BAIAP2L1: variants seen among roughly 807,000 people sequenced by gnomAD.
BAIAP2L1 encodes BAR/IMD domain-containing adapter protein 2-like 1.
BAIAP2L1 carries 35 observed loss-of-function variants against 66.3 expected under a neutral mutation model. That is an observed-to-expected ratio of 0.53 (90% CI 0.40 to 0.70). The LOEUF is 0.70. Among genes scored for constraint, BAIAP2L1 ranks in the 30% least tolerant of loss-of-function variants. The pLI, the probability that BAIAP2L1 is intolerant of heterozygous loss-of-function variation, is 0.00. For missense variants in BAIAP2L1, 622 were observed against 656.9 expected, an observed-to-expected ratio of 0.95 and a Z score of 0.58; for synonymous variants, 269 against 248.7, an observed-to-expected ratio of 1.08 and a Z score of -0.77.
rs773501945 is a variant in BAIAP2L1, at chr7:98,320,217, T to C, written c.276+20A>G. 6.9e-6 allele frequency: 11 copies of C among 1,599,440 alleles called. No homozygotes were observed. The highest frequency in any genetic ancestry group is 1.7e-4 in the Middle Eastern group (1 of 6,024). On this transcript the variant is annotated intron_variant, in intron 4 of 13. Coordinates refer to ENST00000005260, the MANE Select transcript of BAIAP2L1 (RefSeq NM_018842.5). ...ACCTGAAATGAGTGTATTTTGTAAA[T>C]AGAAACACAGATCACGTACATTTTC...
At position 98,293,195 on chromosome 7, in the gene BAIAP2L1, C is replaced by A. The variant is rs911430405; in HGVS notation, c.*326G>T. The A allele has an allele frequency of 3.4e-6, 1 of 298,258 alleles. No homozygotes were observed. Among genetic ancestry groups the A allele is most frequent in the East Asian group, 6.5e-5 (1 of 15,476 alleles). The allele number at this position is 298,258 out of a possible 1,614,324, so 18.5% of individuals were successfully genotyped here. On this transcript the variant is annotated 3_prime_UTR_variant, in exon 14 of 14. Transcript: ENST00000005260. ...AGCCAGTCCTGAAAGCATAGACTAT[C>A]CCTTATTCTGGCTGTTATTAAGGAA...
Position 98,362,341 on chromosome 7 carries a change from A to C in BAIAP2L1, c.127+16T>G, listed in dbSNP as rs764161896. On this transcript the variant is annotated intron_variant, in intron 2 of 13. Transcript: ENST00000005260. The stretch of plus-strand genomic sequence containing the variant: ...GAGTGGCTTTATATATAATCAATTC[A>C]GAAAAACAGACTTACCGTTTACAGC... The C allele has an allele frequency of 6.3e-7, 1 of 1,579,086 alleles. No homozygotes were observed. Among genetic ancestry groups the C allele is most frequent in the African/African-American group, 1.4e-5 (1 of 73,808 alleles).
chr7:98,389,898 G>C (rs1476707241), intron 1 of BAIAP2L1, among the ~76,000 whole-genome samples: 1 of 151,510 alleles, frequency 6.6e-6, no homozygotes, highest in South Asian at 2.1e-4. Flanking sequence ...CCTGTTGCAC[G>C]TGTAGTCTTG....
Position 98,343,720 on chromosome 7 carries a change from A to G in BAIAP2L1, c.214+11322T>C, listed in dbSNP as rs149364723. The stretch of plus-strand genomic sequence containing the variant: ...ATCCCTCACAAGATTATCCCAATTG[A>G]AGCAAGCAACTGTATGACACAAGAG... On this transcript the variant is annotated intron_variant, in intron 3 of 13. Coordinates refer to ENST00000005260, the MANE Select transcript of BAIAP2L1 (RefSeq NM_018842.5). Among the ~76,000 whole-genome samples, 660 of 152,318 alleles carry G rather than the reference A, an allele frequency of 4.3e-3. 4 individuals are homozygous for G. The highest frequency in any genetic ancestry group is 0.015 in the African/African-American group (638 of 41,584).
At chr7:98,347,462 T>C (rs1336923852) in intron 3 of BAIAP2L1, among the ~76,000 whole-genome samples, 1 of 152,008 alleles carries the variant, frequency 6.6e-6, no homozygotes, top group Non-Finnish European at 1.5e-5. Context: ...TTAAAATTAG[T>C]GAGTTAAATG....
intron 1 of BAIAP2L1, among the ~76,000 whole-genome samples, chr7:98,374,493 T>C (rs1429650108): frequency 6.6e-6 from 1 of 152,182 alleles, no homozygotes; most frequent in Non-Finnish European, 1.5e-5. Context: ...CCAGGCAGTT[T>C]CCCTACTGTC....
chr7:98,377,474 T>A (rs1225538115), intron 1 of BAIAP2L1, among the ~76,000 whole-genome samples: 1 of 152,204 alleles, frequency 6.6e-6, no homozygotes, highest in Non-Finnish European at 1.5e-5. Context: ...CACTTGGTAC[T>A]GTCATACTTT....
intron 3 of BAIAP2L1, among the ~76,000 whole-genome samples, chr7:98,348,118 C>T (rs1459751303): frequency 6.6e-6 from 1 of 151,428 alleles, no homozygotes; most frequent in African/African-American, 2.4e-5. Context: ...CACATGTATC[C>T]CAGAACTTAA....
chr7:98,365,048 T>C (rs1390182071), intron 1 of BAIAP2L1, among the ~76,000 whole-genome samples: 2 of 142,538 alleles, frequency 1.4e-5, no homozygotes, highest in African/African-American at 2.5e-5. Flanking sequence ...CTTTAGCATC[T>C]GGGTCTGCTG....
intron 1 of BAIAP2L1, among the ~76,000 whole-genome samples, chr7:98,363,679 T>C (rs1802323694): frequency 6.6e-6 from 1 of 152,160 alleles, no homozygotes; most frequent in South Asian, 2.1e-4. Flanking sequence ...TTGTTCCATC[T>C]AGGAACAATA....
At chr7:98,360,790 GCACTTGCAGAAGT>G (rs1217141690) in intron 2 of BAIAP2L1, among the ~76,000 whole-genome samples, 1 of 152,172 alleles carries the variant, frequency 6.6e-6, no homozygotes, top group Non-Finnish European at 1.5e-5. Context: ...GAGGACAGGG[GCACTTGCAGAAGT>G]CACGGGGACC....
At chr7:98,349,227 C>T (rs754285092) in intron 3 of BAIAP2L1, among the ~76,000 whole-genome samples, 3 of 152,214 alleles carry the variant, frequency 2.0e-5, no homozygotes, top group Non-Finnish European at 2.9e-5. Context: ...AAACACTGCA[C>T]TCTGCAACCC....
chr7:98,295,886 G>A (rs892931273), intron 12 of BAIAP2L1, among the ~76,000 whole-genome samples: 3 of 152,182 alleles, frequency 2.0e-5, no homozygotes, highest in African/African-American at 7.2e-5. Context: ...GACTGAGGAG[G>A]AAAAAGAACG....
At chr7:98,400,657 G>A in intron 1 of BAIAP2L1, 145 bp downstream of exon 1, 1 of 906,394 alleles carries the variant, frequency 1.1e-6, no homozygotes, top group Non-Finnish European at 1.8e-6. Context: ...GGAGGGCCAG[G>A]GGAGGAGTGG....
intron 1 of BAIAP2L1, among the ~76,000 whole-genome samples, chr7:98,391,137 C>T (rs1224830894): frequency 4.6e-5 from 7 of 151,746 alleles, no homozygotes; most frequent in African/African-American, 1.2e-4. Context: ...CCACTGTGCC[C>T]GGCCCATAAA....
rs1220443986 is a variant in BAIAP2L1, at chr7:98,326,026, G to A, written c.215-5728C>T. Among the ~76,000 whole-genome samples the A allele has an allele frequency of 3.3e-5, 5 of 152,244 alleles. No individual in the cohort carries two copies. In the East Asian group the frequency reaches 5.8e-4, roughly 18 times the overall value. On this transcript the variant is annotated intron_variant, in intron 3 of 13. Transcript: ENST00000005260. ...CAGCGGGGTGCAATGGCTCACGTCCGTAATCACAGCTCCCAGTTTTGGGAG... is the reference window on the plus strand; with the variant it reads ...CAGCGGGGTGCAATGGCTCACGTCCATAATCACAGCTCCCAGTTTTGGGAG...
At position 98,292,810 on chromosome 7, in the gene BAIAP2L1, C is replaced by T. The variant is rs1800024811; in HGVS notation, c.*711G>A. ...GTGACTCCGACGCCCAGGCCTGTGT[C>T]CTGGATGGGCCGTGTGCAGCGAATC... On this transcript the variant is annotated 3_prime_UTR_variant, in exon 14 of 14. Coordinates refer to ENST00000005260, the MANE Select transcript of BAIAP2L1 (RefSeq NM_018842.5). 6.6e-7 allele frequency: 1 copy of T among 1,514,760 alleles called. No homozygotes were observed. The highest frequency in any genetic ancestry group is 1.4e-5 in the African/African-American group (1 of 71,582). The allele number at this position is 1,514,760 out of a possible 1,614,324, so 93.8% of individuals were successfully genotyped here. A position where few individuals can be genotyped will look rare whatever the true frequency, so the allele number is the denominator to read the frequency against.
chr7:98,338,030 C>A (rs888333326), intron 3 of BAIAP2L1, among the ~76,000 whole-genome samples: 8 of 152,170 alleles, frequency 5.3e-5, no homozygotes, highest in Admixed American at 3.9e-4. Context: ...ATACTTAACT[C>A]TTTTTAGTGG....
intron 3 of BAIAP2L1, among the ~76,000 whole-genome samples, chr7:98,344,906 AGCC>A (rs1801836397): frequency 6.6e-6 from 1 of 152,248 alleles, no homozygotes; most frequent in African/African-American, 2.4e-5. Flanking sequence ...ATTGTACTCC[AGCC>A]TAGGCAACAA....
Sources: gnomAD v4.1 joint callset for allele counts (sites outside exome capture counted in the v4.1 genomes callset) on GRCh38, gnomAD v4.1.1 for gene constraint, MANE v1.5 for transcripts, NCBI Gene and HGNC (gene_info 2026-07-23, HGNC 2026-07-21) for gene names.